The following SLIT1 variants were observed in gnomAD, a reference collection of about 807,000 sequenced individuals.
The protein encoded by SLIT1 is slit guidance ligand 1.
In SLIT1, 66 loss-of-function variants were observed where a neutral mutation model predicts 186.1. That is an observed-to-expected ratio of 0.35 (90% CI 0.29 to 0.44). The LOEUF (loss-of-function observed/expected upper bound fraction) is 0.44. Ranked by LOEUF, SLIT1 falls within the 20% of genes least tolerant of loss-of-function variation. The pLI, the probability that SLIT1 is intolerant of heterozygous loss-of-function variation, is 1.00. For missense variants in SLIT1, 1,638 were observed against 2,037.4 expected, an observed-to-expected ratio of 0.80 and a Z score of 3.77; for synonymous variants, 761 against 833.8, an observed-to-expected ratio of 0.91 and a Z score of 1.50.
Position 97,163,467 on chromosome 10 carries a change from G to A in SLIT1, c.270-16C>T. Reference sequence around the variant, plus strand: ...CATCAGCTGCCTGGGGAAGCAAAGAGACAAGGACAGCTACAGGGTGTGGGA... The same window carrying A: ...CATCAGCTGCCTGGGGAAGCAAAGAAACAAGGACAGCTACAGGGTGTGGGA... On this transcript the variant is annotated splice_polypyrimidine_tract_variant and intron_variant, in intron 2 of 36. Transcript: ENST00000266058. 1 of 1,612,284 alleles carries A rather than the reference G, an allele frequency of 6.2e-7. No individual in the cohort carries two copies. The highest frequency in any genetic ancestry group is 1.1e-5 in the South Asian group (1 of 91,048).
At chr10:97,174,929 C>T (rs1363748066) in intron 1 of SLIT1, among the ~76,000 whole-genome samples, 1 of 152,066 alleles carries the variant, frequency 6.6e-6, no homozygotes, top group Non-Finnish European at 1.5e-5. Flanking sequence ...CATCTTAATC[C>T]TTAAGTGGAT....
In SLIT1 at chr10:97,056,373, T is replaced by A; in HGVS notation, c.1249A>T (p.Ile417Phe). 6.2e-7 allele frequency: 1 copy of A among 1,614,148 alleles called. No homozygotes were observed. The highest frequency in any genetic ancestry group is 1.7e-5 in the Admixed American group (1 of 60,022). ...LSLLSLYDNK[I>F]QSLAKGTFTS... ...AAAGTGCCCTTGGCGAGGCTCTGGA[T>A]CTTGTTGTCATACAGGGAGAGCAGT... Residue 417 changes from isoleucine (I) to phenylalanine (F), a missense_variant, in exon 13 of 37, where the codon ATC becomes TTC. Physicochemically the swap from Ile to Phe is conservative, Grantham distance 21 (BLOSUM62 0). Coordinates refer to ENST00000266058, the MANE Select transcript of SLIT1 (RefSeq NM_003061.3).
chr10:97,071,775 C>G (rs1218866054), intron 4 of SLIT1, among the ~76,000 whole-genome samples: 2 of 152,172 alleles, frequency 1.3e-5, no homozygotes, highest in Admixed American at 6.5e-5. Flanking sequence ...CTCAGGAGTA[C>G]AGCTGGTGTG....
Position 97,075,636 on chromosome 10 carries a change from A to G in SLIT1, c.414-9550T>C, listed in dbSNP as rs114659182. Among the ~76,000 whole-genome samples, 1,499 of 152,310 alleles carry G rather than the reference A, an allele frequency of 9.8e-3. 25 individuals are homozygous for G. Among genetic ancestry groups the G allele is most frequent in the African/African-American group, 0.032 (1,318 of 41,574 alleles). Reference sequence around the variant, plus strand: ...GGGCAGCCTCACACGACTGTTATCAATAAGTGGCTGCCCGGGATTCCACTG... The same window carrying G: ...GGGCAGCCTCACACGACTGTTATCAGTAAGTGGCTGCCCGGGATTCCACTG... On this transcript the variant is annotated intron_variant, in intron 4 of 36. Transcript: ENST00000266058.
At chr10:97,012,000 G>T (rs1848414922) in intron 30 of SLIT1, among the ~76,000 whole-genome samples, 1 of 151,630 alleles carries the variant, frequency 6.6e-6, no homozygotes, top group East Asian at 1.9e-4. Context: ...TGGCAGATGG[G>T]TGCTCTTGCC....
intron 4 of SLIT1, among the ~76,000 whole-genome samples, chr10:97,082,076 G>C (rs753264909): frequency 1.3e-5 from 2 of 152,238 alleles, no homozygotes; most frequent in Non-Finnish European, 2.9e-5. Flanking sequence ...TGACTGCAGT[G>C]CACATCACTA....
At chr10:97,155,654 T>C (rs1408080658) in intron 4 of SLIT1, among the ~76,000 whole-genome samples, 3 of 152,126 alleles carry the variant, frequency 2.0e-5, no homozygotes, top group African/African-American at 4.8e-5. Flanking sequence ...AGTATACATA[T>C]GCCTTGATCC....
At chr10:97,110,253 C>T (rs762955820) in intron 4 of SLIT1, among the ~76,000 whole-genome samples, 9 of 152,150 alleles carry the variant, frequency 5.9e-5, no homozygotes, top group Non-Finnish European at 1.3e-4. Context: ...ATAGGCTTTA[C>T]ATTTGCAAAA....
At chr10:97,042,187 G>A (rs962483809) in intron 20 of SLIT1, among the ~76,000 whole-genome samples, 3 of 152,158 alleles carry the variant, frequency 2.0e-5, no homozygotes, top group African/African-American at 7.2e-5. Context: ...CTGCCACTGG[G>A]AGTAGGCTGC....
chr10:97,011,327 TC>T (rs1303788610), intron 30 of SLIT1, among the ~76,000 whole-genome samples, 197 bp from the exon 31 acceptor site: 1 of 152,024 alleles, frequency 6.6e-6, no homozygotes, highest in Non-Finnish European at 1.5e-5. Context: ...TGGGACCCTT[TC>T]CTAGTAGAAG....
chr10:97,135,602 T>C (rs7907482), intron 4 of SLIT1, among the ~76,000 whole-genome samples: 4,806 of 152,188 alleles, frequency 0.032, 248 homozygotes, highest in African/African-American at 0.11. Flanking sequence ...GCCTGAGGCC[T>C]GGAGAGGTAA....
chr10:97,119,814 C>A (rs1202537289), intron 4 of SLIT1, among the ~76,000 whole-genome samples: 1 of 150,754 alleles, frequency 6.6e-6, no homozygotes, highest in African/African-American at 2.4e-5. Flanking sequence ...AGCAAATATG[C>A]CCAATGTTGG....
chr10:97,047,916 G>C (rs1848749447), intron 15 of SLIT1, 57 bp downstream of exon 15: 10 of 1,612,916 alleles, frequency 6.2e-6, no homozygotes, highest in Non-Finnish European at 8.5e-6. Context: ...CCCCCAGCCT[G>C]CCCACCCACT....
chr10:97,073,991 TA>T (rs1849023524), intron 4 of SLIT1, among the ~76,000 whole-genome samples: 1 of 152,072 alleles, frequency 6.6e-6, no homozygotes, highest in African/African-American at 2.4e-5. Flanking sequence ...CAGGAAACGC[TA>T]TTTATCCTTC....
rs756088173 is a variant in SLIT1 at position 97,006,575 on chromosome 10, C to T, written c.3487G>A (p.Glu1163Lys). The T allele has an allele frequency of 6.2e-7, 1 of 1,614,220 alleles. No homozygotes were observed. The highest frequency in any genetic ancestry group is 1.7e-5 in the Admixed American group (1 of 60,032). ...ACAAAGTTGACACTGAGCAACTTCT[C>T]ACACTCAGGGCCACCGAAGCCTGGG... Reference protein sequence around the residue: ...CLPGFGGPECEKLLSVNFVDR... With the variant: ...CLPGFGGPECKKLLSVNFVDR... Residue 1163 changes from glutamate (E) to lysine (K), a missense_variant, in exon 32 of 37, where the codon GAG becomes AAG. By Grantham distance (56) the Glu-to-Lys change is moderately conservative. Around this residue, in one of 3 missense-constraint regions of SLIT1, gnomAD observed 1,245 missense variants for 1,535.3 expected, o/e 0.81. Coordinates refer to ENST00000266058, the MANE Select transcript of SLIT1 (RefSeq NM_003061.3). This position sits in a 1 kb window ranked among gnomAD's most constrained non-coding sequence, Gnocchi z 4.0.
chr10:97,015,966 G>C (rs1367764148), intron 28 of SLIT1, among the ~76,000 whole-genome samples: 1 of 152,128 alleles, frequency 6.6e-6, no homozygotes, highest in African/African-American at 2.4e-5. Context: ...AAAAGAACAA[G>C]GTAAAATGTT....
chr10:97,052,192 G>A (rs1449578734), intron 13 of SLIT1, among the ~76,000 whole-genome samples: 3 of 151,338 alleles, frequency 2.0e-5, no homozygotes, highest in Middle Eastern at 3.4e-3. Flanking sequence ...GAACTCCTGG[G>A]CTCAGGGAAT....
chr10:97,060,833 C>T (rs2134637365), intron 8 of SLIT1, 46 bp from the exon 9 acceptor site: 2 of 1,523,138 alleles, frequency 1.3e-6, no homozygotes, highest in African/African-American at 2.7e-5. Context: ...TGCATCAGCA[C>T]CTCCCTTGAG....
At chr10:97,059,103 G>A (rs908728917) in intron 11 of SLIT1, among the ~76,000 whole-genome samples, 1 of 152,236 alleles carries the variant, frequency 6.6e-6, no homozygotes, top group Non-Finnish European at 1.5e-5. Flanking sequence ...GGCCTCAGGA[G>A]CACAGCATGC....
Sources: gnomAD v4.1 joint callset for allele counts (sites outside exome capture counted in the v4.1 genomes callset) on GRCh38, gnomAD v4.1.1 for gene constraint, gnomAD v4.1.1 regional missense constraint, Gnocchi (gnomAD v3.1) non-coding constraint, MANE v1.5 for transcripts, NCBI Gene and HGNC (gene_info 2026-07-23, HGNC 2026-07-21) for gene names.